Variants in DCC observed in about 807,000 individuals in gnomAD.
The protein encoded by DCC is DCC netrin 1 receptor.
Under a neutral mutation model 172.5 loss-of-function variants are expected in DCC, and 58 were observed. That is an observed-to-expected ratio of 0.34 (90% CI 0.27 to 0.42). The LOEUF is 0.42. Ranked by LOEUF, DCC falls within the 10% of genes least tolerant of loss-of-function variation. DCC has a pLI of 1.00. For synonymous variants in DCC, 709 were observed against 644.5 expected (o/e 1.10, Z -1.52); for missense variants, 1,740 against 1,791.0 (o/e 0.97, Z 0.51).
Position 53,139,194 on chromosome 18 carries a change from A to C in DCC, c.1262-18162A>C, listed in dbSNP as rs565088572. Among the ~76,000 whole-genome samples the C allele has an allele frequency of 5.3e-5, 8 of 152,248 alleles. No homozygotes were observed. In the South Asian group the frequency reaches 1.7e-3, roughly 32 times the overall value. On this transcript the variant is annotated intron_variant, in intron 7 of 28. Transcript: ENST00000442544. ...ATACAATTCCTCATCAAAATAAACC[A>C]TTACTGGCCAATGTTTGTGACTTTT... is the stretch of plus-strand genomic sequence containing the variant.
At chr18:52,577,610 T>C (rs541703736) in intron 1 of DCC, among the ~76,000 whole-genome samples, 29 of 152,332 alleles carry the variant, frequency 1.9e-4, no homozygotes, top group African/African-American at 7.0e-4. Context: ...TGACAGTTCT[T>C]TTTTCTTATC....
intron 12 of DCC, among the ~76,000 whole-genome samples, chr18:53,273,997 A>G (rs1482774066): frequency 6.6e-6 from 1 of 152,152 alleles, no homozygotes; most frequent in Non-Finnish European, 1.5e-5. Context: ...AGCAGTGTGG[A>G]AAAGAGAAGC....
chr18:52,985,442 T>C (rs186377967), intron 5 of DCC, among the ~76,000 whole-genome samples: 1 of 152,264 alleles, frequency 6.6e-6, no homozygotes, highest in Non-Finnish European at 1.5e-5. Flanking sequence ...ATAGTGGCAA[T>C]TTAATTCTCC....
At chr18:53,032,142 A>C (rs1026469186) in intron 5 of DCC, among the ~76,000 whole-genome samples, 9 of 152,126 alleles carry the variant, frequency 5.9e-5, no homozygotes, top group African/African-American at 1.9e-4. Context: ...CATCTTTTTG[A>C]ATCAGTTTAT....
intron 1 of DCC, among the ~76,000 whole-genome samples, chr18:52,673,015 A>T (rs1359233780): frequency 2.6e-5 from 4 of 152,158 alleles, no homozygotes; most frequent in African/African-American, 9.7e-5. Context: ...GTGAGCCATG[A>T]TTGCTCCACT....
chr18:53,305,828 G>A, intron 13 of DCC, 109 bp downstream of exon 13: 5 of 1,141,422 alleles, frequency 4.4e-6, no homozygotes, highest in Non-Finnish European at 6.7e-6. Flanking sequence ...TGGCATCCAG[G>A]CAGGTGACAT....
intron 12 of DCC, among the ~76,000 whole-genome samples, chr18:53,262,068 T>C (rs1388978130): frequency 6.6e-6 from 1 of 152,106 alleles, no homozygotes; most frequent in Non-Finnish European, 1.5e-5. Context: ...AAGAGCAAGA[T>C]CTATAGTAAG....
chr18:52,754,376 C>A (rs534960922), intron 2 of DCC: 20 of 152,254 alleles, frequency 1.3e-4, no homozygotes, highest in African/African-American at 4.6e-4. Flanking sequence ...AAATTCTAAC[C>A]CCCAATGTGA....
In DCC at chr18:52,950,929, C is replaced by CAAAAAAAAAAAA. The variant is rs755118442; in HGVS notation, c.985+25590_985+25601dup. 9.2e-4 allele frequency among the ~76,000 whole-genome samples: 53 copies of CAAAAAAAAAAAA among 57,422 alleles called. 5 individuals carry two copies. Among genetic ancestry groups the CAAAAAAAAAAAA allele is most frequent in the Admixed American group, 1.5e-3 (5 of 3,312 alleles). The allele number at this position is 57,422 out of a possible 152,430, so 37.7% of individuals were successfully genotyped here. Reference sequence around the variant, plus strand: ...TGGGCGACAGAGTGAGACTCCGTCTCAAAAAAAAAAAAAAAAAAAAAAAAA... The same window carrying CAAAAAAAAAAAA: ...TGGGCGACAGAGTGAGACTCCGTCTCAAAAAAAAAAAAAAAAAAAAAAAAAAAAAAAAAAAAA... On this transcript the variant is annotated intron_variant, in intron 5 of 28. Transcript: ENST00000442544.
intron 5 of DCC, among the ~76,000 whole-genome samples, chr18:53,058,260 T>C (rs2042441070): frequency 6.6e-6 from 1 of 152,136 alleles, no homozygotes; most frequent in Non-Finnish European, 1.5e-5. Flanking sequence ...GTAGATTAAA[T>C]GATTTCTACA....
chr18:53,023,630 T>C (rs1338056126), intron 5 of DCC, among the ~76,000 whole-genome samples: 1 of 152,024 alleles, frequency 6.6e-6, no homozygotes, highest in Non-Finnish European at 1.5e-5. Context: ...AAAACTATAT[T>C]TGAGAGATGC....
At chr18:52,820,490 AT>A (rs1263848746) in intron 2 of DCC, among the ~76,000 whole-genome samples, 22 of 149,424 alleles carry the variant, frequency 1.5e-4, no homozygotes, top group African/African-American at 4.9e-4. Context: ...CCATACATTC[AT>A]GTTTTTTTTC....
At chr18:52,453,266 G>A (rs1013599783) in intron 1 of DCC, among the ~76,000 whole-genome samples, 4 of 152,122 alleles carry the variant, frequency 2.6e-5, no homozygotes, top group Non-Finnish European at 4.4e-5. Context: ...CATTAGGCTC[G>A]GTAGAACACA....
chr18:52,520,318 C>G (rs1847416499), intron 1 of DCC, among the ~76,000 whole-genome samples: 1 of 152,142 alleles, frequency 6.6e-6, no homozygotes, highest in African/African-American at 2.4e-5. Context: ...CTTGCCGAAC[C>G]CTGTAGCATA....
chr18:52,616,870 A>T (rs1433590454), intron 1 of DCC, among the ~76,000 whole-genome samples: 1 of 152,200 alleles, frequency 6.6e-6, no homozygotes, highest in African/African-American at 2.4e-5. Flanking sequence ...TAAACATGGG[A>T]GCAACAGAAT....
intron 9 of DCC, among the ~76,000 whole-genome samples, chr18:53,179,505 C>A (rs758866348): frequency 2.0e-5 from 3 of 152,270 alleles, no homozygotes; most frequent in Admixed American, 6.5e-5. Context: ...CAATAACATA[C>A]AATTTCTAAA....
chr18:53,325,112 G>C (rs966066491), intron 14 of DCC, among the ~76,000 whole-genome samples: 28 of 144,304 alleles, frequency 1.9e-4, no homozygotes, highest in African/African-American at 6.7e-4. Flanking sequence ...AGAATTGCTT[G>C]AACCCGGGAG....
intron 8 of DCC, among the ~76,000 whole-genome samples, chr18:53,161,854 A>G (rs1444417343): frequency 3.3e-5 from 5 of 152,228 alleles, no homozygotes; most frequent in African/African-American, 1.2e-4. Flanking sequence ...ATGAAATAGT[A>G]TACCAGGTTT....
chr18:53,443,504 T>G (rs1343372095), intron 22 of DCC, among the ~76,000 whole-genome samples: 1 of 152,178 alleles, frequency 6.6e-6, no homozygotes, highest in African/African-American at 2.4e-5. Flanking sequence ...CTGATGGAAA[T>G]GTACAAGAGA....
Sources: gnomAD v4.1 joint callset for allele counts (sites outside exome capture counted in the v4.1 genomes callset) on GRCh38, gnomAD v4.1.1 for gene constraint, MANE v1.5 for transcripts, NCBI Gene and HGNC (gene_info 2026-07-23, HGNC 2026-07-21) for gene names.